Variants in CADM1 observed in about 807,000 individuals in gnomAD.
CADM1 encodes the protein cell adhesion molecule 1.
In CADM1, 15 loss-of-function variants were observed where a neutral mutation model predicts 53.1. The ratio of observed to expected loss-of-function variants is 0.28; its 90% CI spans 0.19 to 0.44. The LOEUF (loss-of-function observed/expected upper bound fraction) is 0.44. CADM1 is among the 20% of genes least tolerant of loss of function. CADM1 has a pLI of 1.00. For missense variants in CADM1, 434 were observed against 611.3 expected, an observed-to-expected ratio of 0.71 and a Z score of 3.06; for synonymous variants, 281 against 243.0, an observed-to-expected ratio of 1.16 and a Z score of -1.45.
intron 9 of CADM1, 30 bp from the exon 10 acceptor site, chr11:115,190,971 T>C (rs1939828202): frequency 6.4e-7 from 1 of 1,561,338 alleles, no homozygotes; most frequent in Non-Finnish European, 8.6e-7. Flanking sequence ...CGTTTTTCTT[T>C]TCATTCCTCG....
intron 1 of CADM1, among the ~76,000 whole-genome samples, chr11:115,461,216 C>G (rs1290788349): frequency 6.6e-6 from 1 of 152,026 alleles, no homozygotes; most frequent in African/African-American, 2.4e-5. Flanking sequence ...ATTTAAAACT[C>G]TAAACATAAT....
intron 1 of CADM1, among the ~76,000 whole-genome samples, chr11:115,460,507 C>T (rs1948771912): frequency 6.6e-6 from 1 of 152,192 alleles, no homozygotes. Context: ...CCTTTCGCTA[C>T]TGGATTTACA....
At chr11:115,211,041 T>TA (rs66538947) in intron 7 of CADM1, among the ~76,000 whole-genome samples, 57,526 of 151,882 alleles carry the variant, frequency 0.38, 12,973 homozygotes, top group Non-Finnish European at 0.51. Flanking sequence ...GGATGTCGTT[T>TA]AAAAAAAATC....
At chr11:115,494,546 T>C (rs1207018529) in intron 1 of CADM1, among the ~76,000 whole-genome samples, 1 of 152,172 alleles carries the variant, frequency 6.6e-6, no homozygotes, top group Non-Finnish European at 1.5e-5. Flanking sequence ...CATTTACTTA[T>C]CAAAAAACAT....
rs1399546604 is a variant in CADM1, at chr11:115,171,268, A to G, written c.*5206T>C. On this transcript the variant is annotated 3_prime_UTR_variant, in exon 12 of 12. Coordinates refer to ENST00000331581, the MANE Select transcript of CADM1 (RefSeq NM_001301043.2). ...CTTGGGCATGATTTTATAATAAAAC[A>G]AAAATACCTTCACTTAAGCAGGGTC... The G allele has an allele frequency of 1.3e-5, 2 of 152,254 alleles. No homozygotes were observed. The allele number at this position is 152,254 out of a possible 1,614,324, so 9.4% of individuals were successfully genotyped here. A position where few individuals can be genotyped will look rare whatever the true frequency, so the allele number is the denominator to read the frequency against.
At chr11:115,223,973 AAGAG>A (rs1555043883) in intron 5 of CADM1, among the ~76,000 whole-genome samples, 12 of 92,466 alleles carry the variant, frequency 1.3e-4, no homozygotes, top group African/African-American at 5.0e-4. Context: ...AAAAAAAAAA[AAGAG>A]AGAGAGAGAG....
At chr11:115,348,253 A>C (rs1430935367) in intron 1 of CADM1, among the ~76,000 whole-genome samples, 1 of 152,210 alleles carries the variant, frequency 6.6e-6, no homozygotes, top group Non-Finnish European at 1.5e-5. Flanking sequence ...GATTGAAAAG[A>C]TTACTATAAG....
At chr11:115,207,515 T>A (rs1453175176) in intron 8 of CADM1, among the ~76,000 whole-genome samples, 1 of 152,028 alleles carries the variant, frequency 6.6e-6, no homozygotes, top group East Asian at 1.9e-4. Flanking sequence ...AGCTGTGAAC[T>A]GAAGCGACTC....
chr11:115,271,803 G>A (rs1461678215), intron 1 of CADM1, among the ~76,000 whole-genome samples: 1 of 152,128 alleles, frequency 6.6e-6, no homozygotes, highest in African/African-American at 2.4e-5. Context: ...AAAAATGCTT[G>A]GTATAAACAC....
intron 1 of CADM1, among the ~76,000 whole-genome samples, chr11:115,433,125 A>AC (rs557427044): frequency 5.9e-5 from 9 of 151,724 alleles, no homozygotes; most frequent in East Asian, 5.8e-4. Context: ...GACACAGACC[A>AC]CCCCCCCACC....
At chr11:115,358,614 G>A (rs1472772317) in intron 1 of CADM1, among the ~76,000 whole-genome samples, 4 of 152,022 alleles carry the variant, frequency 2.6e-5, no homozygotes, top group Non-Finnish European at 4.4e-5. Context: ...GGACACAGCC[G>A]AACCATATCA....
At chr11:115,304,913 A>T (rs1944324406) in intron 1 of CADM1, among the ~76,000 whole-genome samples, 1 of 152,002 alleles carries the variant, frequency 6.6e-6, no homozygotes, top group Non-Finnish European at 1.5e-5. Flanking sequence ...GCTGTATGGA[A>T]TCATTATGTA....
chr11:115,491,375 C>T (rs1408520788), intron 1 of CADM1, among the ~76,000 whole-genome samples: 1 of 152,178 alleles, frequency 6.6e-6, no homozygotes, highest in East Asian at 1.9e-4. Context: ...ACCATCCTGG[C>T]TAACACGGTG....
At chr11:115,378,880 T>C (rs945378491) in intron 1 of CADM1, among the ~76,000 whole-genome samples, 1 of 152,220 alleles carries the variant, frequency 6.6e-6, no homozygotes, top group African/African-American at 2.4e-5. Flanking sequence ...CAGAAAAAGT[T>C]TGCCAATCTT....
chr11:115,420,243 A>G (rs1356783945), intron 1 of CADM1, among the ~76,000 whole-genome samples: 1 of 152,194 alleles, frequency 6.6e-6, no homozygotes, highest in African/African-American at 2.4e-5. Flanking sequence ...ACGTGTCCAC[A>G]CAGGAGATCA....
intron 1 of CADM1, among the ~76,000 whole-genome samples, chr11:115,347,232 C>T (rs1442496771): frequency 1.4e-5 from 2 of 146,714 alleles, no homozygotes; most frequent in African/African-American, 5.1e-5. Flanking sequence ...GTTTACTCAT[C>T]ATGTTGTGGG....
chr11:115,212,771 C>A (rs1941018977), intron 7 of CADM1, among the ~76,000 whole-genome samples: 1 of 152,168 alleles, frequency 6.6e-6, no homozygotes, highest in South Asian at 2.1e-4. Context: ...AACTGTACAA[C>A]CTTTCTGAAC....
At position 115,291,077 on chromosome 11, in the gene CADM1, G is replaced by A. The variant is rs1486221299; in HGVS notation, c.125-50657C>T. 2.0e-5 allele frequency among the ~76,000 whole-genome samples: 3 copies of A among 152,174 alleles called. No individual in the cohort carries two copies. The East Asian group carries it at 5.8e-4, about 29-fold the overall frequency. ...TGAAAGGATTACTATAGCAACATAG[G>A]AAGCTCTTTTATGGGCATGGAGGAG... is the stretch of plus-strand genomic sequence containing the variant. On this transcript the variant is annotated intron_variant, in intron 1 of 11. Coordinates refer to ENST00000331581, the MANE Select transcript of CADM1 (RefSeq NM_001301043.2).
chr11:115,235,329 T>C (rs1427635541), intron 3 of CADM1, among the ~76,000 whole-genome samples: 1 of 152,190 alleles, frequency 6.6e-6, no homozygotes, highest in Non-Finnish European at 1.5e-5. Flanking sequence ...TCTACTCTAA[T>C]ACAAAAGGTT....
Sources: gnomAD v4.1 joint callset for allele counts (sites outside exome capture counted in the v4.1 genomes callset) on GRCh38, gnomAD v4.1.1 for gene constraint, MANE v1.5 for transcripts, NCBI Gene and HGNC (gene_info 2026-07-23, HGNC 2026-07-21) for gene names.